Variants in DCLK1 observed in about 807,000 individuals in gnomAD.
The protein encoded by DCLK1 is doublecortin like kinase 1.
A neutral mutation model predicts 86.2 loss-of-function variants in DCLK1; 16 were observed. The observed-to-expected ratio is 0.19, with a 90% CI of 0.13 to 0.28. The LOEUF (loss-of-function observed/expected upper bound fraction) is 0.28, where lower values mean the gene tolerates loss of function less well. Ranked by LOEUF, DCLK1 falls within the 10% of genes least tolerant of loss-of-function variation. The probability of loss-of-function intolerance (pLI) is 1.00; values close to 1 mark genes in which losing one functional copy is unlikely to be tolerated. For missense variants in DCLK1, 590 were observed against 940.2 expected (o/e 0.63, Z 4.87); for synonymous variants, 369 against 370.5 (o/e 1.00, Z 0.05).
intron 4 of DCLK1, among the ~76,000 whole-genome samples, chr13:35,887,595 A>G (rs1350472962): frequency 2.0e-5 from 3 of 152,164 alleles, no homozygotes; most frequent in Non-Finnish European, 4.4e-5. Flanking sequence ...GGGAAATTCT[A>G]TGGCCATTCG....
intron 3 of DCLK1, among the ~76,000 whole-genome samples, chr13:35,992,488 T>C (rs1593799040): frequency 6.6e-6 from 1 of 150,896 alleles, no homozygotes; most frequent in African/African-American, 2.4e-5. Context: ...GAGTGAAAGG[T>C]GAAACAAAGG....
intron 3 of DCLK1, among the ~76,000 whole-genome samples, chr13:36,064,396 C>T (rs1348240568): frequency 6.6e-6 from 1 of 152,154 alleles, no homozygotes; most frequent in African/African-American, 2.4e-5. Flanking sequence ...CGTGGCGGCT[C>T]ATGCCTGTAA....
At chr13:35,854,693 A>G in intron 5 of DCLK1, 100 bp from the exon 6 acceptor site, 2 of 1,029,540 alleles carry the variant, frequency 1.9e-6, no homozygotes, top group Non-Finnish European at 1.3e-6. Context: ...ATAGAGAGCC[A>G]TCTACTAGAA....
intron 3 of DCLK1, among the ~76,000 whole-genome samples, chr13:35,950,234 T>C (rs539948252): frequency 6.6e-6 from 1 of 152,318 alleles, no homozygotes; most frequent in South Asian, 2.1e-4. Flanking sequence ...AAGGTTATAA[T>C]AAAGATGAAT....
intron 2 of DCLK1, among the ~76,000 whole-genome samples, chr13:36,121,617 T>C (rs1452231774): frequency 6.6e-6 from 1 of 152,252 alleles, no homozygotes; most frequent in African/African-American, 2.4e-5. Flanking sequence ...AACTTTATCA[T>C]ATACCTTGCA....
intron 1 of DCLK1, among the ~76,000 whole-genome samples, chr13:36,126,725 C>T (rs1339834901): frequency 5.3e-5 from 8 of 152,106 alleles, no homozygotes; most frequent in Admixed American, 2.0e-4. Context: ...CAGAAGAGGC[C>T]GATCCCAGTG....
chr13:35,826,387 G>T (rs1037090887), intron 10 of DCLK1, among the ~76,000 whole-genome samples: 3 of 151,186 alleles, frequency 2.0e-5, no homozygotes, highest in Non-Finnish European at 2.9e-5. Flanking sequence ...GCCGGGCGTG[G>T]TGGCACATGC....
intron 3 of DCLK1, among the ~76,000 whole-genome samples, chr13:36,001,268 G>A (rs1880703753): frequency 6.6e-6 from 1 of 152,174 alleles, no homozygotes; most frequent in South Asian, 2.1e-4. Context: ...TTCTTTAGGA[G>A]CAGTAACAAA....
chr13:36,054,957 G>A (rs183515671), intron 3 of DCLK1, among the ~76,000 whole-genome samples: 15 of 152,236 alleles, frequency 9.9e-5, no homozygotes, highest in Non-Finnish European at 1.3e-4. Flanking sequence ...CACACTATGC[G>A]TTCTGTATAT....
intron 6 of DCLK1, among the ~76,000 whole-genome samples, chr13:35,853,742 G>A (rs750689201): frequency 1.9e-4 from 29 of 152,144 alleles, no homozygotes; most frequent in Admixed American, 3.3e-4. Context: ...CCCACCTTGC[G>A]TCTGAAATCA....
rs951351000 is a variant in DCLK1 at position 35,849,737 on chromosome 13, T to C, written c.1035+4762A>G. On this transcript the variant is annotated intron_variant, in intron 6 of 16. Coordinates refer to ENST00000360631, the MANE Select transcript of DCLK1 (RefSeq NM_001330071.2). ...GAAAATTTCCAAAACACCAGCAAGATTGAGAATTTTTCAGAGTGGAGATTT... is the reference window on the plus strand; with the variant it reads ...GAAAATTTCCAAAACACCAGCAAGACTGAGAATTTTTCAGAGTGGAGATTT... The C allele has an allele frequency of 6.7e-5, 66 of 985,260 alleles. No individual in the cohort carries two copies. In the African/African-American group the frequency reaches 8.2e-4, roughly 12 times the overall value. The allele number at this position is 985,260 out of a possible 1,614,324, so 61.0% of individuals were successfully genotyped here.
chr13:35,855,653 C>T (rs1871005554), intron 5 of DCLK1: 1 of 1,458,994 alleles, frequency 6.9e-7, no homozygotes, highest in Non-Finnish European at 9.2e-7. Context: ...GCTCCCAGAG[C>T]AGGCTGAATG....
intron 3 of DCLK1, among the ~76,000 whole-genome samples, chr13:36,099,691 A>G (rs1885131856): frequency 6.6e-6 from 1 of 152,242 alleles, no homozygotes; most frequent in African/African-American, 2.4e-5. Flanking sequence ...AAGCTAAAGC[A>G]CAATCATCTT....
At chr13:36,057,113 A>G (rs1025731866) in intron 3 of DCLK1, among the ~76,000 whole-genome samples, 1 of 152,080 alleles carries the variant, frequency 6.6e-6, no homozygotes, top group Non-Finnish European at 1.5e-5. Flanking sequence ...AAATTTTATT[A>G]TAGTGTAAAA....
In DCLK1 at chr13:35,847,211, A is replaced by G. The variant is rs190824824; in HGVS notation, c.1035+7288T>C. The G allele has an allele frequency of 6.4e-3, 6,278 of 984,326 alleles. 30 individuals carry two copies. Among genetic ancestry groups the G allele is most frequent in the Non-Finnish European group, 7.0e-3 (5,837 of 828,920 alleles). The allele number at this position is 984,326 out of a possible 1,614,324, so 61.0% of individuals were successfully genotyped here. On this transcript the variant is annotated intron_variant, in intron 6 of 16. Coordinates refer to ENST00000360631, the MANE Select transcript of DCLK1 (RefSeq NM_001330071.2). ...GATTTAGCTGAATTTCAATTTTTTT[A>G]TAAATCAGTATATCTGAATATTTTG...
chr13:36,047,672 A>C (rs1882967919), intron 3 of DCLK1, among the ~76,000 whole-genome samples: 1 of 151,934 alleles, frequency 6.6e-6, no homozygotes, highest in Non-Finnish European at 1.5e-5. Context: ...AAAGGTGGTT[A>C]CCAGAGATTG....
chr13:35,842,559 T>A (rs2153108505), intron 6 of DCLK1, among the ~76,000 whole-genome samples: 1 of 152,264 alleles, frequency 6.6e-6, no homozygotes, highest in East Asian at 1.9e-4. Context: ...ATTCTGGGTG[T>A]GCTCTGACTA....
rs2086296249 is a variant in DCLK1 at position 35,769,731 on chromosome 13, A to G, written c.*4804T>C. 6.6e-6 allele frequency: 1 copy of G among 152,230 alleles called. No individual in the cohort carries two copies. The highest frequency in any genetic ancestry group is 6.5e-5 in the Admixed American group (1 of 15,288). 9.4% of individuals were successfully genotyped at this position (152,230 alleles called of 1,614,324 possible). A position where few individuals can be genotyped will look rare whatever the true frequency, so the allele number is the denominator to read the frequency against. On this transcript the variant is annotated 3_prime_UTR_variant, in exon 17 of 17. Transcript: ENST00000360631. Reference sequence around the variant, plus strand: ...ACTATTACTTACTTTAAATTATTAAAGTATATCACAGACAAAATATTCAAT... The same window carrying G: ...ACTATTACTTACTTTAAATTATTAAGGTATATCACAGACAAAATATTCAAT...
chr13:36,130,790 C>T (rs1029725737), intron 1 of DCLK1, among the ~76,000 whole-genome samples: 26 of 152,308 alleles, frequency 1.7e-4, no homozygotes, highest in African/African-American at 6.0e-4. Context: ...CCAGCTCCTC[C>T]GCCCTGGCTC....
Sources: allele counts gnomAD v4.1 joint callset (sites outside exome capture counted in the v4.1 genomes callset), GRCh38; gene constraint gnomAD v4.1.1; transcripts MANE v1.5; gene names NCBI Gene and HGNC (gene_info 2026-07-23, HGNC 2026-07-21).